SLC4A8: variants seen among roughly 807,000 people sequenced by gnomAD.
SLC4A8 encodes the protein solute carrier family 4 member 8.
A neutral mutation model predicts 125.0 loss-of-function variants in SLC4A8; 40 were observed. The observed-to-expected ratio is 0.32, with a 90% confidence interval of 0.25 to 0.42. The LOEUF (loss-of-function observed/expected upper bound fraction) is 0.42, where lower values mean the gene tolerates loss of function less well. Ranked by LOEUF, SLC4A8 falls within the 10% of genes least tolerant of loss-of-function variation. SLC4A8 has a pLI of 1.00. For missense variants in SLC4A8, 863 were observed against 1,355.1 expected (o/e 0.64, Z 5.70); for synonymous variants, 456 against 476.0 (o/e 0.96, Z 0.55).
At chr12:51,456,218 G>A (rs1950146911) in intron 5 of SLC4A8, among the ~76,000 whole-genome samples, 1 of 152,014 alleles carries the variant, frequency 6.6e-6, no homozygotes, top group South Asian at 2.1e-4. Context: ...TGAGGTGGAT[G>A]TTCTTTTTTT....
At chr12:51,455,875 T>C (rs1950132874) in intron 5 of SLC4A8, among the ~76,000 whole-genome samples, 1 of 152,192 alleles carries the variant, frequency 6.6e-6, no homozygotes, top group Non-Finnish European at 1.5e-5. Flanking sequence ...AACTTTTGAC[T>C]ATTTGTCTGA....
At position 51,497,079 on chromosome 12, in the gene SLC4A8, AAAG is replaced by A. The variant is rs1338346753; in HGVS notation, c.3043_3045del (p.Lys1015del). The A allele has an allele frequency of 5.0e-6, 8 of 1,613,804 alleles. No individual in the cohort carries two copies. Among genetic ancestry groups the A allele is most frequent in the South Asian group, 2.2e-5 (2 of 91,000 alleles). ...TAGATGATCTCATGCCTGAAAGCAAAAAGAAGAAGTTGGATGATGCCAAAAAGA... is the reference window on the plus strand; with the variant it reads ...TAGATGATCTCATGCCTGAAAGCAAAAAGAAGTTGGATGATGCCAAAAAGA... On this transcript the variant is annotated inframe_deletion, in exon 22 of 25. Coordinates refer to ENST00000453097, the MANE Select transcript of SLC4A8 (RefSeq NM_001039960.3).
At chr12:51,475,796 GTGGAGTAGCTACA>G (rs1459812151) in intron 16 of SLC4A8, among the ~76,000 whole-genome samples, 1 of 152,258 alleles carries the variant, frequency 6.6e-6, no homozygotes, top group Non-Finnish European at 1.5e-5. Context: ...GAGGCTGAGT[GTGGAGTAGCTACA>G]TGGGCCATTT....
intron 15 of SLC4A8, 138 bp downstream of exon 15, chr12:51,474,585 T>C: frequency 2.8e-6 from 4 of 1,413,486 alleles, no homozygotes; most frequent in Non-Finnish European, 3.8e-6. Flanking sequence ...CAATTCTTAC[T>C]CACTTTCTTT....
intron 6 of SLC4A8, among the ~76,000 whole-genome samples, chr12:51,457,934 G>A (rs1197965192): frequency 6.6e-6 from 1 of 152,202 alleles, no homozygotes; most frequent in Admixed American, 6.5e-5. Flanking sequence ...TTGTAGGCTT[G>A]TGATTGTGGC....
intron 2 of SLC4A8, among the ~76,000 whole-genome samples, chr12:51,443,883 A>G (rs1437774816): frequency 6.6e-6 from 1 of 152,202 alleles, no homozygotes; most frequent in African/African-American, 2.4e-5. Context: ...TCTGCAGGGT[A>G]CGTCAAACCT....
At chr12:51,474,528 C>A (rs1418771440) in intron 15 of SLC4A8, 81 bp downstream of exon 15, 1 of 1,524,548 alleles carries the variant, frequency 6.6e-7, no homozygotes, top group African/African-American at 1.4e-5. Context: ...GAGGAGTAGC[C>A]CTTTGGCCAA....
chr12:51,479,370 A>G (rs1565809568), intron 16 of SLC4A8, among the ~76,000 whole-genome samples: 1 of 152,080 alleles, frequency 6.6e-6, no homozygotes. Context: ...GGGATGGAGG[A>G]TGATTGGGTG....
chr12:51,496,613 A>G (rs1187102470), intron 21 of SLC4A8, among the ~76,000 whole-genome samples: 4 of 152,216 alleles, frequency 2.6e-5, no homozygotes, highest in Non-Finnish European at 5.9e-5. Flanking sequence ...CCATCATCCC[A>G]CTGTGAGGAA....
chr12:51,401,562 C>A (rs1279984343), intron 1 of SLC4A8, among the ~76,000 whole-genome samples: 1 of 152,142 alleles, frequency 6.6e-6, no homozygotes. Context: ...GTATTCCTCT[C>A]GATGTCCAGC....
chr12:51,455,138 T>C (rs1356883247), intron 5 of SLC4A8, among the ~76,000 whole-genome samples: 6 of 145,650 alleles, frequency 4.1e-5, no homozygotes, highest in Non-Finnish European at 9.0e-5. Context: ...GGTTATAGAT[T>C]AACAGAATCT....
chr12:51,421,108 C>T (rs1260945593), upstream of SLC4A8, among the ~76,000 whole-genome samples: 2 of 152,174 alleles, frequency 1.3e-5, no homozygotes, highest in African/African-American at 2.4e-5. Flanking sequence ...TCTGGGCTGA[C>T]TGAAGATTCA....
At chr12:51,424,775 T>C (rs1948900286), upstream of SLC4A8, 4 of 543,278 alleles carry the variant, frequency 7.4e-6, no homozygotes, top group Non-Finnish European at 1.3e-5. Context: ...CCTCCCGTGC[T>C]CCGCGCCCTG....
intron 17 of SLC4A8, 139 bp downstream of exon 17, chr12:51,486,039 CATGTAGAAAAGCAA>C: frequency 1.9e-6 from 1 of 531,658 alleles, no homozygotes; most frequent in East Asian, 2.9e-5. Context: ...CATACCTTGT[CATGTAGAAAAGCAA>C]ACTTCAGACT....
chr12:51,470,186 T>G (rs1950650343), intron 12 of SLC4A8, among the ~76,000 whole-genome samples: 2 of 152,200 alleles, frequency 1.3e-5, no homozygotes, highest in Admixed American at 1.3e-4. Flanking sequence ...AGGAATCATG[T>G]GTCAATGGAG....
chr12:51,424,976 T>C lies in SLC4A8; in HGVS notation c.-12T>C. ...CTTGGAGCCCGTGGGGGAGACCTAG[T>C]TCGGCTCCGCCATGCCGGCCGCCGG... On this transcript the variant is annotated 5_prime_UTR_variant, in exon 1 of 25. Coordinates refer to ENST00000453097, the MANE Select transcript of SLC4A8 (RefSeq NM_001039960.3). 1 of 1,552,252 alleles carries C rather than the reference T, an allele frequency of 6.4e-7. No homozygotes were observed. Among genetic ancestry groups the C allele is most frequent in the Non-Finnish European group, 8.7e-7 (1 of 1,148,088 alleles).
intron 16 of SLC4A8, among the ~76,000 whole-genome samples, chr12:51,482,465 A>G (rs1219437646): frequency 6.6e-6 from 1 of 151,694 alleles, no homozygotes; most frequent in Non-Finnish European, 1.5e-5. Flanking sequence ...TCCAACCTCC[A>G]CCTCCTTGGG....
At chr12:51,467,032 T>C (rs1275728545) in intron 11 of SLC4A8, among the ~76,000 whole-genome samples, 1 of 152,090 alleles carries the variant, frequency 6.6e-6, no homozygotes, top group Admixed American at 6.6e-5. Context: ...GAATTATGCT[T>C]TCCAGAGGAA....
At chr12:51,449,255 T>C (rs1036436327) in intron 2 of SLC4A8, among the ~76,000 whole-genome samples, 42 of 151,820 alleles carry the variant, frequency 2.8e-4, no homozygotes, top group African/African-American at 9.7e-4. Context: ...CTGGGCAACA[T>C]GGCAGGACTT....
Sources: gnomAD v4.1 joint callset for allele counts (sites outside exome capture counted in the v4.1 genomes callset) on GRCh38, gnomAD v4.1.1 for gene constraint, MANE v1.5 for transcripts, NCBI Gene and HGNC (gene_info 2026-07-23, HGNC 2026-07-21) for gene names.